The following CDYL variants were observed in gnomAD, a reference collection of about 807,000 sequenced individuals.
CDYL encodes chromodomain Y-like protein.
Under a neutral mutation model 47.3 loss-of-function variants are expected in CDYL, and 8 were observed. The observed-to-expected ratio is 0.17, with a 90% confidence interval of 0.10 to 0.31. The LOEUF (loss-of-function observed/expected upper bound fraction) is 0.31. Among genes scored for constraint, CDYL ranks in the 10% least tolerant of loss-of-function variants. The pLI is 1.00. For missense variants in CDYL, 471 were observed against 701.4 expected (o/e 0.67, Z 3.71); for synonymous variants, 266 against 265.0 (o/e 1.00, Z -0.04).
At chr6:4,841,061 A>G (rs559992885) in intron 1 of CDYL, among the ~76,000 whole-genome samples, 5 of 151,952 alleles carry the variant, frequency 3.3e-5, no homozygotes, top group Admixed American at 2.6e-4. Context: ...TTTGTTGGCA[A>G]CTTTTAAATT....
intron 2 of CDYL, among the ~76,000 whole-genome samples, chr6:4,907,475 GCTTTCCA>G (rs1166425299): frequency 1.3e-5 from 2 of 152,140 alleles, no homozygotes; most frequent in Non-Finnish European, 2.9e-5. Context: ...ATCCACCTCA[GCTTTCCA>G]AGTAGCCGGG....
intron 2 of CDYL, among the ~76,000 whole-genome samples, chr6:4,899,017 T>G (rs1756926615): frequency 6.6e-6 from 1 of 152,198 alleles, no homozygotes; most frequent in Non-Finnish European, 1.5e-5. Flanking sequence ...GAGCAAAACT[T>G]AGGTGTACTT....
chr6:4,862,545 A>G (rs1392930603), intron 1 of CDYL, among the ~76,000 whole-genome samples: 1 of 152,228 alleles, frequency 6.6e-6, no homozygotes, highest in African/African-American at 2.4e-5. Flanking sequence ...AAAGAGCTGT[A>G]AACATGATCT....
intron 2 of CDYL, among the ~76,000 whole-genome samples, chr6:4,912,385 G>A (rs1757439787): frequency 6.6e-6 from 1 of 152,246 alleles, no homozygotes; most frequent in South Asian, 2.1e-4. Flanking sequence ...TGGCCTGGAG[G>A]GTCACTGTTC....
intron 1 of CDYL, among the ~76,000 whole-genome samples, chr6:4,852,553 TTC>T (rs1561670396): frequency 1.4e-4 from 19 of 136,108 alleles, no homozygotes; most frequent in South Asian, 2.3e-4. Context: ...CCTTCCTTCC[TTC>T]CTTCCAATCT....
chr6:4,942,490 G>A (rs1232152895), intron 4 of CDYL, among the ~76,000 whole-genome samples: 10 of 152,220 alleles, frequency 6.6e-5, no homozygotes, highest in South Asian at 2.1e-4. Flanking sequence ...TTAAAGATGG[G>A]GGTCAGGTTT....
intron 1 of CDYL, among the ~76,000 whole-genome samples, chr6:4,823,671 GTTGTAT>G (rs1255700045): frequency 6.6e-6 from 1 of 151,772 alleles, no homozygotes; most frequent in African/African-American, 2.4e-5. Flanking sequence ...TTAATCCAAT[GTTGTAT>G]TTGTATCTCC....
At chr6:4,940,074 G>A (rs1401614831) in intron 4 of CDYL, among the ~76,000 whole-genome samples, 1 of 152,196 alleles carries the variant, frequency 6.6e-6, no homozygotes, top group Non-Finnish European at 1.5e-5. Context: ...AGTAAAAGCA[G>A]AGGAAAGCTA....
intron 1 of CDYL, among the ~76,000 whole-genome samples, chr6:4,798,123 C>T (rs909363109): frequency 6.6e-6 from 1 of 151,978 alleles, no homozygotes; most frequent in Non-Finnish European, 1.5e-5. Context: ...TAAGTGTGTG[C>T]CACTACACCT....
At chr6:4,859,670 A>C (rs1761107743) in intron 1 of CDYL, among the ~76,000 whole-genome samples, 1 of 152,108 alleles carries the variant, frequency 6.6e-6, no homozygotes, top group Admixed American at 6.5e-5. Context: ...CTTACTTAGG[A>C]GATAATTCTG....
rs78509071 is a variant in CDYL, at chr6:4,933,252, C to T, written c.692-2263C>T. 2.9e-4 allele frequency among the ~76,000 whole-genome samples: 44 copies of T among 152,286 alleles called. No individual in the cohort carries two copies. In the East Asian group the frequency reaches 4.6e-3, roughly 16 times the overall value. On this transcript the variant is annotated intron_variant, in intron 2 of 6. Coordinates refer to ENST00000397588, the MANE Select transcript of CDYL (RefSeq NM_004824.4). ...ACCAACCCCAAGTACCTCTCTCCAA[C>T]CCTGACTTCCCTCCCCTGATCTAGA...
intron 1 of CDYL, among the ~76,000 whole-genome samples, chr6:4,810,697 T>A (rs1759502839): frequency 6.6e-6 from 1 of 152,212 alleles, no homozygotes; most frequent in Middle Eastern, 3.4e-3. Flanking sequence ...AAGTCCAAGG[T>A]CAAGGCACCC....
chr6:4,815,312 CT>C (rs1419989341), intron 1 of CDYL, among the ~76,000 whole-genome samples: 2 of 152,014 alleles, frequency 1.3e-5, no homozygotes, highest in East Asian at 3.9e-4. Flanking sequence ...AGCTATAAGC[CT>C]TTTAATTTTG....
Position 4,816,672 on chromosome 6 carries a change from A to G in CDYL, c.24+39865A>G, listed in dbSNP as rs758923151. 2.2e-4 allele frequency among the ~76,000 whole-genome samples: 34 copies of G among 151,820 alleles called. 2 individuals carry two copies. Among genetic ancestry groups the G allele is most frequent in the Middle Eastern group, 3.4e-3 (1 of 294 alleles). ...CCTGGCTAATTTTTGTATTTTTAGT[A>G]GAGACGGGGTTTTGCGATGTTGCCC... is the stretch of plus-strand genomic sequence containing the variant. On this transcript the variant is annotated intron_variant, in intron 1 of 6. Transcript: ENST00000397588.
At chr6:4,782,404 T>A (rs1292595053) in intron 1 of CDYL, among the ~76,000 whole-genome samples, 1 of 152,202 alleles carries the variant, frequency 6.6e-6, no homozygotes. Context: ...GACTCCTTAC[T>A]TACCTCGAGG....
chr6:4,788,121 C>T (rs1036220072), intron 1 of CDYL, among the ~76,000 whole-genome samples: 2 of 151,952 alleles, frequency 1.3e-5, no homozygotes, highest in African/African-American at 4.8e-5. Flanking sequence ...AGGTCAGGGT[C>T]CTTCTTTTGG....
rs1561697483 is a variant in CDYL at position 4,900,789 on chromosome 6, A to AGATATATC, written c.691+8410_691+8411insGATATATC. On this transcript the variant is annotated intron_variant, in intron 2 of 6. Coordinates refer to ENST00000397588, the MANE Select transcript of CDYL (RefSeq NM_004824.4). ...ATTCCGTATACGTGTGTATATATATATATATATATATATATATATATATAT... is the reference window on the plus strand; with the variant it reads ...ATTCCGTATACGTGTGTATATATATAGATATATCTATATATATATATATATATATATAT... Among the ~76,000 whole-genome samples the AGATATATC allele has an allele frequency of 1.5e-3, 70 of 46,236 alleles. 4 individuals are homozygous for AGATATATC. The highest frequency in any genetic ancestry group is 6.3e-3 in the African/African-American group (66 of 10,532). The allele number at this position is 46,236 out of a possible 152,430, so 30.3% of individuals were successfully genotyped here. A position where few individuals can be genotyped will look rare whatever the true frequency, so the allele number is the denominator to read the frequency against.
At chr6:4,862,747 A>G (rs808604) in intron 1 of CDYL, among the ~76,000 whole-genome samples, 6,614 of 152,280 alleles carry the variant, frequency 0.043, 475 homozygotes, top group African/African-American at 0.15. Context: ...GAGAAACTCT[A>G]TGGCAGTAAT....
At chr6:4,837,130 C>T (rs971892824) in intron 1 of CDYL, among the ~76,000 whole-genome samples, 2 of 152,274 alleles carry the variant, frequency 1.3e-5, no homozygotes, top group Admixed American at 6.5e-5. Context: ...AGGCATAGAC[C>T]TGAGTCAGTG....
Sources: allele counts gnomAD v4.1 joint callset (sites outside exome capture counted in the v4.1 genomes callset), GRCh38; gene constraint gnomAD v4.1.1; transcripts MANE v1.5; gene names NCBI Gene and HGNC (gene_info 2026-07-23, HGNC 2026-07-21).